ELAPOR2: variants seen among roughly 807,000 people sequenced by gnomAD.
ELAPOR2 encodes the protein endosome/lysosome-associated apoptosis and autophagy regulator family member 2.
ELAPOR2 carries 89 observed loss-of-function variants against 120.7 expected under a neutral mutation model. That is an observed-to-expected ratio of 0.74 (90% CI 0.62 to 0.88). The LOEUF (loss-of-function observed/expected upper bound fraction) is 0.88. ELAPOR2 is among the 40% of genes least tolerant of loss of function. The probability of loss-of-function intolerance (pLI) is 0.00; values close to 1 mark genes in which losing one functional copy is unlikely to be tolerated. For synonymous variants in ELAPOR2, 444 were observed against 444.9 expected (o/e 1.00, Z 0.03); for missense variants, 1,134 against 1,251.6 (o/e 0.91, Z 1.42).
intron 1 of ELAPOR2, among the ~76,000 whole-genome samples, chr7:86,967,436 G>A (rs1179156210): frequency 2.0e-5 from 3 of 152,044 alleles, no homozygotes; most frequent in Non-Finnish European, 4.4e-5. Flanking sequence ...TCCAGCCTGG[G>A]CAATGGAACG....
chr7:86,945,134 G>A, intron 3 of ELAPOR2, 88 bp from the exon 4 acceptor site: 1 of 1,230,824 alleles, frequency 8.1e-7, no homozygotes, highest in South Asian at 1.4e-5. Context: ...TTCACGAGTA[G>A]TTCCATCAGC....
chr7:87,026,642 G>A (rs1794253262), intron 1 of ELAPOR2, among the ~76,000 whole-genome samples: 1 of 151,920 alleles, frequency 6.6e-6, no homozygotes. Context: ...GCCTATAAAG[G>A]AGTGATAGGC....
intron 1 of ELAPOR2, among the ~76,000 whole-genome samples, chr7:87,056,835 T>C (rs1291795573): frequency 6.6e-6 from 1 of 152,236 alleles, no homozygotes; most frequent in African/African-American, 2.4e-5. Flanking sequence ...TCAGAGTTTA[T>C]GTAACTTTGT....
At chr7:87,030,805 G>A (rs1794400932) in intron 1 of ELAPOR2, among the ~76,000 whole-genome samples, 1 of 152,284 alleles carries the variant, frequency 6.6e-6, no homozygotes, top group East Asian at 1.9e-4. Flanking sequence ...AGGTTTGTAG[G>A]TGGGGGTACT....
chr7:86,907,400 T>C (rs1180911138), intron 18 of ELAPOR2, among the ~76,000 whole-genome samples: 1 of 151,958 alleles, frequency 6.6e-6, no homozygotes, highest in Admixed American at 6.6e-5. Context: ...AGCAATATAA[T>C]TAATTTTATA....
chr7:86,971,231 A>C (rs948005936), intron 1 of ELAPOR2, among the ~76,000 whole-genome samples: 1 of 152,208 alleles, frequency 6.6e-6, no homozygotes, highest in Non-Finnish European at 1.5e-5. Context: ...GAATCTTTGA[A>C]AGAAAAAGCT....
chr7:86,914,378 T>A (rs1317652003), intron 13 of ELAPOR2, among the ~76,000 whole-genome samples: 3 of 152,140 alleles, frequency 2.0e-5, no homozygotes, highest in Non-Finnish European at 4.4e-5. Flanking sequence ...CAGATGAAGA[T>A]GAAGAAAGTT....
chr7:86,922,643 AT>A (rs1169665576), intron 10 of ELAPOR2, among the ~76,000 whole-genome samples: 2 of 151,960 alleles, frequency 1.3e-5, no homozygotes, highest in East Asian at 3.9e-4. Context: ...AATGACTGAA[AT>A]AATATTTTAT....
chr7:86,931,523 C>T (rs1790325400), intron 8 of ELAPOR2, among the ~76,000 whole-genome samples: 1 of 151,898 alleles, frequency 6.6e-6, no homozygotes, highest in Non-Finnish European at 1.5e-5. Context: ...CTAGATTCTT[C>T]CCCTTTTGTC....
At chr7:86,929,257 TG>T (rs1218641027) in intron 8 of ELAPOR2, among the ~76,000 whole-genome samples, 1 of 151,982 alleles carries the variant, frequency 6.6e-6, no homozygotes, top group Non-Finnish European at 1.5e-5. Flanking sequence ...GCTTTGTCCA[TG>T]GTTGTCTGAT....
chr7:86,948,660 A>T (rs564653334), intron 2 of ELAPOR2, among the ~76,000 whole-genome samples: 6 of 152,108 alleles, frequency 3.9e-5, no homozygotes, highest in African/African-American at 1.4e-4. Flanking sequence ...TCTGATGTCA[A>T]GCTTTCTGCA....
intron 19 of ELAPOR2, among the ~76,000 whole-genome samples, chr7:86,896,143 TCTG>T (rs1788426896): frequency 6.6e-6 from 1 of 152,230 alleles, no homozygotes; most frequent in Admixed American, 6.6e-5. Flanking sequence ...TTTTGTGTTG[TCTG>T]CTTATTTTTT....
rs905163542 is a variant in ELAPOR2 at position 87,016,640 on chromosome 7, G to A, written c.189+42685C>T. Among the ~76,000 whole-genome samples the A allele has an allele frequency of 4.6e-4, 68 of 149,192 alleles. No homozygotes were observed. The South Asian group carries it at 6.7e-3, about 15-fold the overall frequency. ...TGAAGTATTTGCCACATCCAGTTCC[G>A]TAACTATACGGAGTATAGTAACTAT... On this transcript the variant is annotated intron_variant, in intron 1 of 21. Coordinates refer to ENST00000450689, the MANE Select transcript of ELAPOR2 (RefSeq NM_001142749.3).
intron 21 of ELAPOR2, among the ~76,000 whole-genome samples, chr7:86,887,521 T>C (rs1198573984): frequency 6.6e-6 from 1 of 152,096 alleles, no homozygotes; most frequent in Non-Finnish European, 1.5e-5. Flanking sequence ...CAGCTAACTC[T>C]ACCCATACAT....
intron 1 of ELAPOR2, among the ~76,000 whole-genome samples, chr7:87,014,586 CA>C (rs1157513517): frequency 6.6e-6 from 1 of 152,040 alleles, no homozygotes; most frequent in Non-Finnish European, 1.5e-5. Flanking sequence ...ATGTGAGTCA[CA>C]AAAAATGTGA....
At chr7:86,889,323 A>AT (rs1041725267) in intron 21 of ELAPOR2, among the ~76,000 whole-genome samples, 1 of 152,014 alleles carries the variant, frequency 6.6e-6, no homozygotes, top group Admixed American at 6.6e-5. Context: ...TAACCACTTG[A>AT]TTGAGTTTAC....
At chr7:86,936,194 G>T (rs1462926043) in intron 8 of ELAPOR2, among the ~76,000 whole-genome samples, 1 of 151,964 alleles carries the variant, frequency 6.6e-6, no homozygotes, top group African/African-American at 2.4e-5. Context: ...TTCTCAGCAA[G>T]AATAAAATAT....
chr7:87,012,585 C>A (rs1793726849), intron 1 of ELAPOR2, among the ~76,000 whole-genome samples: 1 of 152,118 alleles, frequency 6.6e-6, no homozygotes, highest in Non-Finnish European at 1.5e-5. Context: ...GATGTCTGTA[C>A]ACAAAGTATC....
chr7:86,986,153 T>G (rs1370829429), intron 1 of ELAPOR2, among the ~76,000 whole-genome samples: 4 of 126,334 alleles, frequency 3.2e-5, no homozygotes, highest in Non-Finnish European at 6.6e-5. Flanking sequence ...ATTGTATATT[T>G]AGAAAACCCC....
Sources: allele counts gnomAD v4.1 joint callset (sites outside exome capture counted in the v4.1 genomes callset), GRCh38; gene constraint gnomAD v4.1.1; transcripts MANE v1.5; gene names NCBI Gene and HGNC (gene_info 2026-07-23, HGNC 2026-07-21).